The following SGSM2 variants were observed in gnomAD, a reference collection of about 807,000 sequenced individuals.
The protein encoded by SGSM2 is RUN and TBC1 domain containing 1.
SGSM2 carries 89 observed loss-of-function variants against 126.6 expected under a neutral mutation model. The ratio of observed to expected loss-of-function variants is 0.70; its 90% CI spans 0.59 to 0.84. SGSM2 has a LOEUF of 0.84. SGSM2 is among the 40% of genes least tolerant of loss of function. SGSM2 has a pLI of 0.00. For missense variants in SGSM2, 1,404 were observed against 1,416.6 expected, an observed-to-expected ratio of 0.99 and a Z score of 0.14; for synonymous variants, 614 against 574.3, an observed-to-expected ratio of 1.07 and a Z score of -0.99.
intron 12 of SGSM2, among the ~76,000 whole-genome samples, chr17:2,368,408 C>T (rs560124502): frequency 3.3e-5 from 5 of 152,294 alleles, no homozygotes; most frequent in African/African-American, 1.2e-4. Flanking sequence ...TCCCCATTCC[C>T]ACCCATTCCC....
intron 2 of SGSM2, among the ~76,000 whole-genome samples, chr17:2,358,867 G>C (rs2065185943): frequency 1.1e-5 from 1 of 90,400 alleles, no homozygotes; most frequent in South Asian, 5.3e-4. Flanking sequence ...TTTTGTTGTT[G>C]TTGTTGTTTT....
intron 8 of SGSM2, 24 bp downstream of exon 8, chr17:2,364,207 C>G (rs766681101): frequency 2.1e-5 from 34 of 1,612,926 alleles, no homozygotes; most frequent in Non-Finnish European, 2.7e-5. Flanking sequence ...GACTCAATCC[C>G]AGGAGCCAGG....
chr17:2,343,398 C>T (rs1414481354), intron 1 of SGSM2, 147 bp from the exon 2 acceptor site: 4 of 729,512 alleles, frequency 5.5e-6, no homozygotes, highest in East Asian at 5.0e-5. Context: ...AGAAACTTTG[C>T]TTCCCCACAC....
rs574648187 is a variant in SGSM2 at position 2,341,498 on chromosome 17, C to T, written c.58-2047C>T. ...GGAGGGGCCTCCAGGTCCTTCTTCC[C>T]GCCTCCCCAGGCTTTTGAGGTTCTA... On this transcript the variant is annotated intron_variant, in intron 1 of 23. Transcript: ENST00000268989. Among the ~76,000 whole-genome samples, 14 of 152,318 alleles carry T rather than the reference C, an allele frequency of 9.2e-5. No individual in the cohort carries two copies. The South Asian group carries it at 1.0e-3, about 11-fold the overall frequency.
At chr17:2,364,248 G>A (rs2065455559) in intron 8 of SGSM2, 65 bp downstream of exon 8, 2 of 1,601,550 alleles carry the variant, frequency 1.2e-6, no homozygotes. Flanking sequence ...CAGGCAGAGG[G>A]ATGGAGAAAC....
At position 2,363,200 on chromosome 17, in the gene SGSM2, A is replaced by G; in HGVS notation, c.672+66A>G. 2 of 1,513,632 alleles carry G rather than the reference A, an allele frequency of 1.3e-6. No homozygotes were observed. The highest frequency in any genetic ancestry group is 1.8e-6 in the Non-Finnish European group (2 of 1,132,660). The allele number at this position is 1,513,632 out of a possible 1,614,324, so 93.8% of individuals were successfully genotyped here. The stretch of plus-strand genomic sequence containing the variant: ...TGCCCATGGGCCTGTAGGGACGGGA[A>G]ACCGGCCTCTCTACGGGACAGGCCT... On this transcript the variant is annotated intron_variant, in intron 6 of 23. Transcript: ENST00000268989. This position sits in a 1 kb window ranked among gnomAD's most constrained non-coding sequence, Gnocchi z 4.2.
chr17:2,361,496 G>A, intron 2 of SGSM2, 141 bp from the exon 3 acceptor site: 1 of 1,032,202 alleles, frequency 9.7e-7, no homozygotes. Context: ...GGGGAATTTT[G>A]GAAGGAAGCC....
In SGSM2 at chr17:2,377,965, G is replaced by A; in HGVS notation, c.2899+12G>A. Reference sequence around the variant, plus strand: ...GGATTTTAAGAGAGGTAAGAAGTGGGTTGGATCATGGGGCTGAGGTCAGGG... The same window carrying A: ...GGATTTTAAGAGAGGTAAGAAGTGGATTGGATCATGGGGCTGAGGTCAGGG... On this transcript the variant is annotated intron_variant, in intron 22 of 23. Coordinates refer to ENST00000268989, the MANE Select transcript of SGSM2 (RefSeq NM_014853.3). 1.3e-6 allele frequency: 2 copies of A among 1,552,310 alleles called. No individual in the cohort carries two copies. Among genetic ancestry groups the A allele is most frequent in the Non-Finnish European group, 1.8e-6 (2 of 1,124,336 alleles).
At chr17:2,371,644 C>G (rs958408264) in intron 13 of SGSM2, 3 of 547,020 alleles carry the variant, frequency 5.5e-6, no homozygotes, top group Admixed American at 7.3e-5. Flanking sequence ...GGGGATGATG[C>G]CACTTGCTGC....
At chr17:2,377,801 C>T in intron 21 of SGSM2, 56 bp from the exon 22 acceptor site, 2 of 1,185,110 alleles carry the variant, frequency 1.7e-6, no homozygotes, top group East Asian at 2.3e-5. Flanking sequence ...TGAGTGGCGG[C>T]CAGAGGCAGC....
rs1387062802 is a variant in SGSM2 at position 2,362,884 on chromosome 17, C to G, written c.505C>G (p.Pro169Ala). The G allele has an allele frequency of 5.0e-6, 8 of 1,614,086 alleles. No homozygotes were observed. Among genetic ancestry groups the G allele is most frequent in the African/African-American group, 4.0e-5 (3 of 74,948 alleles). ...ACTGCTGGCAGACCCTGTGTTCGGCCCGATCCTGGCCTCTCTTCTAGGTGA... is the reference window on the plus strand; with the variant it reads ...ACTGCTGGCAGACCCTGTGTTCGGCGCGATCCTGGCCTCTCTTCTAGGTGA... ...EALLADPVFG[P>A]ILASLLVGPC... Residue 169 changes from proline to alanine, a missense_variant, in exon 5 of 24, where the codon CCG becomes GCG. By Grantham distance (27) the Pro-to-Ala change is conservative. Transcript: ENST00000268989. The surrounding 1 kb of genome is among the most constrained non-coding windows in gnomAD (Gnocchi z 4.9).
chr17:2,373,698 G>A, intron 17 of SGSM2, 185 bp downstream of exon 17: 1 of 596,924 alleles, frequency 1.7e-6, no homozygotes, highest in Non-Finnish European at 3.0e-6. Context: ...CTACTTCTCT[G>A]GGTATTGTAG....
rs567440632 is a variant in SGSM2, at chr17:2,373,440, A to G, written c.2027A>G (p.Lys676Arg). The change falls in exon 17 of 24, where the codon AAG becomes AGG. Residue 676 changes from lysine (K) to arginine (R), a missense_variant. Coordinates refer to ENST00000268989, the MANE Select transcript of SGSM2 (RefSeq NM_014853.3). ...EREAHPATRT[K>R]FSSGSSIDSH... ...GAGGCCCACCCAGCCACACGCACCA[A>G]GTTCTCCTCAGGCAGCAGCATCGAC... 6.2e-7 allele frequency: 1 copy of G among 1,610,854 alleles called. No homozygotes were observed. The highest frequency in any genetic ancestry group is 1.7e-5 in the Admixed American group (1 of 59,990).
intron 1 of SGSM2, among the ~76,000 whole-genome samples, chr17:2,342,240 A>AC (rs969332611): frequency 7.5e-6 from 1 of 134,100 alleles, no homozygotes; most frequent in Non-Finnish European, 1.6e-5. Context: ...ACATGGAGAA[A>AC]CCCCGTCTCT....
intron 11 of SGSM2, among the ~76,000 whole-genome samples, chr17:2,365,874 T>C (rs1046943571): frequency 2.0e-5 from 3 of 151,486 alleles, no homozygotes; most frequent in African/African-American, 7.3e-5. Flanking sequence ...GCCTCCTGAG[T>C]AGCTGGGATT....
chr17:2,373,192 C>G (rs2065961226), intron 16 of SGSM2, 111 bp downstream of exon 16: 11 of 1,548,582 alleles, frequency 7.1e-6, no homozygotes, highest in Admixed American at 5.4e-5. Context: ...AGAAGCATGG[C>G]AGGGCAGCTC....
In SGSM2 at chr17:2,371,372, T is replaced by C. The variant is rs776087703; in HGVS notation, c.1534T>C (p.Ser512Pro). 1.2e-6 allele frequency: 2 copies of C among 1,611,384 alleles called. No individual in the cohort carries two copies. The highest frequency in any genetic ancestry group is 1.7e-6 in the Non-Finnish European group (2 of 1,179,254). Residue 512 changes from serine (S) to proline (P), a missense_variant, in exon 13 of 24, where the codon TCC becomes CCC. Transcript: ENST00000268989. ...CTGCCTCTCCTGCTCCTCCAGCAGC[T>C]CCCCACATGCAACCCCCAGCCACTG... is the stretch of plus-strand genomic sequence containing the variant. ...SSCLSCSSSS[S>P]PHATPSHCSC...
At chr17:2,350,008 C>G (rs1365058881) in intron 2 of SGSM2, among the ~76,000 whole-genome samples, 2 of 151,958 alleles carry the variant, frequency 1.3e-5, no homozygotes, top group Non-Finnish European at 2.9e-5. Context: ...AGGATGGTCT[C>G]AATCTCCTGA....
At chr17:2,346,706 G>A (rs2064611695) in intron 2 of SGSM2, among the ~76,000 whole-genome samples, 1 of 152,140 alleles carries the variant, frequency 6.6e-6, no homozygotes, top group Non-Finnish European at 1.5e-5. Flanking sequence ...GGGGTTCTCT[G>A]TGTGCTGTTC....
Sources: gnomAD v4.1 joint callset for allele counts (sites outside exome capture counted in the v4.1 genomes callset) on GRCh38, gnomAD v4.1.1 for gene constraint, Gnocchi (gnomAD v3.1) non-coding constraint, MANE v1.5 for transcripts, NCBI Gene and HGNC (gene_info 2026-07-23, HGNC 2026-07-21) for gene names.